The following ZNF385D variants were observed in gnomAD, a reference collection of about 807,000 sequenced individuals.
ZNF385D encodes the protein zinc finger protein 385D.
A neutral mutation model predicts 35.8 loss-of-function variants in ZNF385D; 15 were observed. The ratio of observed to expected loss-of-function variants is 0.42; its 90% CI spans 0.28 to 0.64. ZNF385D has a LOEUF of 0.64. Ranked by LOEUF, ZNF385D falls within the 30% of genes least tolerant of loss-of-function variation. The probability of loss-of-function intolerance (pLI) is 0.23; values close to 1 mark genes in which losing one functional copy is unlikely to be tolerated. For missense variants in ZNF385D, 474 were observed against 494.6 expected (o/e 0.96, Z 0.39); for synonymous variants, 212 against 186.8 (o/e 1.13, Z -1.10).
chr3:21,663,419 G>T (rs1235840312), intron 2 of ZNF385D, among the ~76,000 whole-genome samples: 1 of 152,070 alleles, frequency 6.6e-6, no homozygotes, highest in Non-Finnish European at 1.5e-5. Context: ...CCGCAGTGAT[G>T]GGATGCCAAG....
intron 3 of ZNF385D, among the ~76,000 whole-genome samples, chr3:21,887,879 CTGT>C (rs2125875897): frequency 6.6e-6 from 1 of 152,178 alleles, no homozygotes; most frequent in African/African-American, 2.4e-5. Context: ...AGTTAAAATA[CTGT>C]TGTTTCTGAA....
At chr3:22,066,098 A>G (rs1699934793) in intron 3 of ZNF385D, among the ~76,000 whole-genome samples, 1 of 152,178 alleles carries the variant, frequency 6.6e-6, no homozygotes, top group Non-Finnish European at 1.5e-5. Flanking sequence ...GGGAAAGGGG[A>G]GCCAACCGAG....
intron 3 of ZNF385D, among the ~76,000 whole-genome samples, chr3:21,987,727 T>C (rs1450483605): frequency 1.4e-5 from 2 of 146,024 alleles, no homozygotes; most frequent in Admixed American, 1.3e-4. Flanking sequence ...CCTTGCTAGG[T>C]TGGGGAAGTT....
At chr3:21,764,594 T>C (rs572621337) in intron 3 of ZNF385D, among the ~76,000 whole-genome samples, 40 of 152,276 alleles carry the variant, frequency 2.6e-4, no homozygotes, top group Non-Finnish European at 5.0e-4. Context: ...GCTTGTCTAG[T>C]TGGAAATCAC....
chr3:22,268,501 G>A (rs1701010334), intron 2 of ZNF385D, among the ~76,000 whole-genome samples: 1 of 151,948 alleles, frequency 6.6e-6, no homozygotes, highest in African/African-American at 2.4e-5. Flanking sequence ...GCAGGTCAGA[G>A]GGTCACTGCC....
chr3:21,489,796 C>A (rs1705290137), intron 4 of ZNF385D, among the ~76,000 whole-genome samples: 1 of 152,072 alleles, frequency 6.6e-6, no homozygotes, highest in South Asian at 2.1e-4. Context: ...GTTCCTGGTT[C>A]CAGACCTCCA....
At chr3:22,045,581 C>T (rs1576220254) in intron 3 of ZNF385D, among the ~76,000 whole-genome samples, 1 of 152,034 alleles carries the variant, frequency 6.6e-6, no homozygotes. Context: ...TACTTTTCAC[C>T]CTTAACAGCA....
intron 3 of ZNF385D, among the ~76,000 whole-genome samples, chr3:22,027,792 T>C (rs926894231): frequency 6.6e-6 from 1 of 152,190 alleles, no homozygotes; most frequent in Non-Finnish European, 1.5e-5. Context: ...TCTCCACTCC[T>C]GCCTTCTCTA....
At chr3:21,783,825 GA>G (rs1032140910) in intron 3 of ZNF385D, among the ~76,000 whole-genome samples, 1 of 152,038 alleles carries the variant, frequency 6.6e-6, no homozygotes, top group Admixed American at 6.6e-5. Flanking sequence ...GACATTATTT[GA>G]AAAAGGAAAC....
chr3:22,086,875 T>G (rs142038795), intron 3 of ZNF385D, among the ~76,000 whole-genome samples: 4 of 151,958 alleles, frequency 2.6e-5, no homozygotes, highest in African/African-American at 4.8e-5. Flanking sequence ...TAGGTGGGAA[T>G]TGAACAATGA....
chr3:21,526,651 G>C (rs1246639079), intron 3 of ZNF385D, among the ~76,000 whole-genome samples: 1 of 152,174 alleles, frequency 6.6e-6, no homozygotes. Flanking sequence ...ACAGATAGGA[G>C]GGTGTAGAAG....
intron 4 of ZNF385D, among the ~76,000 whole-genome samples, chr3:21,480,825 C>T (rs1704577255): frequency 6.6e-6 from 1 of 152,130 alleles, no homozygotes; most frequent in African/African-American, 2.4e-5. Flanking sequence ...AATTCAAATA[C>T]ATTTAGATAT....
At chr3:21,466,499 C>T (rs1374187557) in intron 4 of ZNF385D, among the ~76,000 whole-genome samples, 1 of 152,154 alleles carries the variant, frequency 6.6e-6, no homozygotes, top group African/African-American at 2.4e-5. Context: ...CTACAATGGG[C>T]TAGAAACCCC....
intron 2 of ZNF385D, among the ~76,000 whole-genome samples, chr3:22,301,722 C>G (rs561016705): frequency 6.6e-6 from 1 of 151,982 alleles, no homozygotes; most frequent in East Asian, 1.9e-4. Context: ...ACCCTTGTGT[C>G]TGCAGGAAGC....
intron 1 of ZNF385D, among the ~76,000 whole-genome samples, chr3:21,711,038 A>ATTTTTTTTTTTT (rs562190313): frequency 7.2e-5 from 4 of 55,822 alleles, no homozygotes; most frequent in African/African-American, 2.9e-4. Flanking sequence ...TCCCTCTAAA[A>ATTTTTTTTTTTT]GTTTTTTTTT....
chr3:21,939,850 T>C (rs949124886), intron 3 of ZNF385D, among the ~76,000 whole-genome samples: 12 of 152,276 alleles, frequency 7.9e-5, no homozygotes, highest in Middle Eastern at 3.4e-3. Context: ...GAGAGATCTA[T>C]ATAAGTAAAG....
chr3:22,229,872 C>A (rs1306126529), intron 2 of ZNF385D, among the ~76,000 whole-genome samples: 1 of 152,190 alleles, frequency 6.6e-6, no homozygotes, highest in African/African-American at 2.4e-5. Flanking sequence ...TTTAGCCCCT[C>A]TCTCTGCCCA....
rs1228574145 is a variant in ZNF385D, at chr3:21,424,301, T to TTATA, written c.853-241_853-238dup. ...TATATATATACTTATATATATATAT[T>TTATA]TATATATATATATATATTTTTTTTT... On this transcript the variant is annotated intron_variant, in intron 6 of 7. Transcript: ENST00000281523. Among the ~76,000 whole-genome samples the TTATA allele has an allele frequency of 7.0e-4, 56 of 80,102 alleles. 1 individual carries two copies. Among genetic ancestry groups the TTATA allele is most frequent in the African/African-American group, 1.2e-3 (26 of 21,336 alleles). The allele number at this position is 80,102 out of a possible 152,430, so 52.6% of individuals were successfully genotyped here.
At chr3:21,564,191 T>C (rs1575192157) in intron 3 of ZNF385D, among the ~76,000 whole-genome samples, 1 of 152,276 alleles carries the variant, frequency 6.6e-6, no homozygotes, top group East Asian at 1.9e-4. Context: ...CTCAAAATCT[T>C]GATCTTAAAA....
Sources: gnomAD v4.1 joint callset for allele counts (sites outside exome capture counted in the v4.1 genomes callset) on GRCh38, gnomAD v4.1.1 for gene constraint, MANE v1.5 for transcripts, NCBI Gene and HGNC (gene_info 2026-07-23, HGNC 2026-07-21) for gene names.